The following TMEM74 variants were observed in gnomAD, a reference collection of about 807,000 sequenced individuals.
TMEM74 encodes the protein transmembrane protein 74.
A neutral mutation model predicts 18.1 loss-of-function variants in TMEM74; 13 were observed. The ratio of observed to expected loss-of-function variants is 0.72; its 90% CI spans 0.47 to 1.14. The LOEUF (loss-of-function observed/expected upper bound fraction) is 1.14, where lower values mean the gene tolerates loss of function less well. Among genes scored for constraint, TMEM74 ranks in the 50% most tolerant of loss-of-function variants. The pLI is 0.00. For synonymous variants in TMEM74, 159 were observed against 146.6 expected (o/e 1.08, Z -0.61); for missense variants, 372 against 375.9 (o/e 0.99, Z 0.09).
intron 2 of TMEM74, among the ~76,000 whole-genome samples, chr8:108,620,465 T>A (rs1812428355): frequency 1.3e-5 from 2 of 152,116 alleles, no homozygotes; most frequent in South Asian, 4.1e-4. Flanking sequence ...TGTCAGCAAC[T>A]TTCAGATGCA....
intron 2 of TMEM74, among the ~76,000 whole-genome samples, chr8:108,625,176 T>A (rs1812481936): frequency 6.6e-6 from 1 of 151,960 alleles, no homozygotes; most frequent in Admixed American, 6.6e-5. Flanking sequence ...AAGCTTATCT[T>A]GCATATTTGT....
intron 1 of TMEM74, among the ~76,000 whole-genome samples, chr8:108,679,708 T>C (rs1265035753): frequency 6.6e-6 from 1 of 152,186 alleles, no homozygotes; most frequent in Non-Finnish European, 1.5e-5. Flanking sequence ...GTCTGTTCAC[T>C]CTGATGGTAG....
chr8:108,676,841 T>G (rs34161829), intron 1 of TMEM74, among the ~76,000 whole-genome samples: 9,987 of 152,256 alleles, frequency 0.066, 514 homozygotes, highest in Admixed American at 0.14. Flanking sequence ...TAATGACTTC[T>G]TGTTTCTTCT....
chr8:108,620,467 T>G (rs1013509673), intron 2 of TMEM74, among the ~76,000 whole-genome samples: 1 of 152,138 alleles, frequency 6.6e-6, no homozygotes, highest in East Asian at 1.9e-4. Flanking sequence ...TCAGCAACTT[T>G]CAGATGCATG....
chr8:108,698,314 A>G (rs1813301381), intron 1 of TMEM74, among the ~76,000 whole-genome samples: 1 of 152,224 alleles, frequency 6.6e-6, no homozygotes, highest in African/African-American at 2.4e-5. Flanking sequence ...ATTAACTATT[A>G]GACTGGATAG....
At chr8:108,688,525 G>A (rs1390774646) in intron 1 of TMEM74, among the ~76,000 whole-genome samples, 2 of 152,168 alleles carry the variant, frequency 1.3e-5, no homozygotes, top group Non-Finnish European at 2.9e-5. Context: ...TTAGGCAAAA[G>A]GTCAAGAACT....
At chr8:108,787,168 T>A (rs1283480256) in intron 1 of TMEM74, among the ~76,000 whole-genome samples, 1 of 152,162 alleles carries the variant, frequency 6.6e-6, no homozygotes, top group Non-Finnish European at 1.5e-5. Flanking sequence ...AGCATTAATA[T>A]TTGCTTTAAA....
intron 1 of TMEM74, among the ~76,000 whole-genome samples, chr8:108,746,895 G>T (rs867556083): frequency 1.3e-5 from 2 of 152,124 alleles, no homozygotes; most frequent in Non-Finnish European, 2.9e-5. Context: ...GAAGTCCCAC[G>T]TCCCTTTCCT....
intron 2 of TMEM74, among the ~76,000 whole-genome samples, chr8:108,652,062 T>C (rs1812780119): frequency 6.6e-6 from 1 of 152,136 alleles, no homozygotes; most frequent in Non-Finnish European, 1.5e-5. Flanking sequence ...TGAACAGTTG[T>C]TTTTGTTAGA....
intron 1 of TMEM74, among the ~76,000 whole-genome samples, chr8:108,677,144 T>C (rs1363191709): frequency 6.6e-6 from 1 of 152,190 alleles, no homozygotes; most frequent in African/African-American, 2.4e-5. Flanking sequence ...TTTACTTAAA[T>C]AAAATTTGTG....
At chr8:108,756,640 A>AAGGAAGGAAGGAAGGAAGGAAGAAAG (rs1813970175) in intron 1 of TMEM74, among the ~76,000 whole-genome samples, 1 of 70,480 alleles carries the variant, frequency 1.4e-5, no homozygotes, top group African/African-American at 6.7e-5. Context: ...GGAAGGAAGG[A>AAGGAAGGAAGGAAGGAAGGAAGAAAG]AGAAAGAAAG....
intron 1 of TMEM74, among the ~76,000 whole-genome samples, chr8:108,736,473 T>C (rs979512773): frequency 3.3e-5 from 5 of 152,124 alleles, no homozygotes; most frequent in Non-Finnish European, 5.9e-5. Flanking sequence ...TACATGCCAC[T>C]CTTAGAACAG....
intron 1 of TMEM74, among the ~76,000 whole-genome samples, chr8:108,719,804 A>T (rs542287526): frequency 6.6e-6 from 1 of 152,228 alleles, no homozygotes; most frequent in South Asian, 2.1e-4. Flanking sequence ...TTTTAGAAAA[A>T]AATGGCATGT....
intron 1 of TMEM74, among the ~76,000 whole-genome samples, chr8:108,725,233 T>G (rs1813624939): frequency 1.3e-5 from 2 of 152,198 alleles, no homozygotes; most frequent in Non-Finnish European, 2.9e-5. Context: ...TTCAAGAATG[T>G]CATCTTGTTT....
chr8:108,727,402 A>G (rs1307426820), intron 1 of TMEM74, among the ~76,000 whole-genome samples: 2 of 152,174 alleles, frequency 1.3e-5, no homozygotes, highest in African/African-American at 2.4e-5. Flanking sequence ...AAGTGGCAAG[A>G]TTTTTGGACA....
chr8:108,666,696 C>T (rs1174867691), intron 1 of TMEM74, among the ~76,000 whole-genome samples: 1 of 152,070 alleles, frequency 6.6e-6, no homozygotes, highest in African/African-American at 2.4e-5. Context: ...ACAGACTTTA[C>T]AAGACATAAT....
intron 1 of TMEM74, among the ~76,000 whole-genome samples, chr8:108,688,145 A>G (rs1325657733): frequency 2.0e-5 from 3 of 152,348 alleles, no homozygotes; most frequent in Non-Finnish European, 4.4e-5. Flanking sequence ...AGAGATCGAT[A>G]ATGGCCAATG....
chr8:108,752,227 G>A (rs1813911243), intron 1 of TMEM74, among the ~76,000 whole-genome samples: 1 of 152,042 alleles, frequency 6.6e-6, no homozygotes, highest in Admixed American at 6.6e-5. Flanking sequence ...CCAGCTCAGT[G>A]GCCTTGTTTA....
At chr8:108,766,330 T>C (rs1407543325) in intron 1 of TMEM74, among the ~76,000 whole-genome samples, 1 of 152,126 alleles carries the variant, frequency 6.6e-6, no homozygotes, top group Non-Finnish European at 1.5e-5. Flanking sequence ...GGAATGTTCT[T>C]TGTAGAGGCA....
Sources: allele counts gnomAD v4.1 joint callset (sites outside exome capture counted in the v4.1 genomes callset), GRCh38; gene constraint gnomAD v4.1.1; transcripts MANE v1.5; gene names NCBI Gene and HGNC (gene_info 2026-07-23, HGNC 2026-07-21).